PAK1IP1: variants seen among roughly 807,000 people sequenced by gnomAD.
The protein encoded by PAK1IP1 is PAK1 interacting protein 1.
In PAK1IP1, 24 loss-of-function variants were observed where a neutral mutation model predicts 42.0. That is an observed-to-expected ratio of 0.57 (90% CI 0.41 to 0.80). The LOEUF (loss-of-function observed/expected upper bound fraction) is 0.80. Ranked by LOEUF, PAK1IP1 falls within the 30% of genes least tolerant of loss-of-function variation. The probability of loss-of-function intolerance (pLI) is 0.00; values close to 1 mark genes in which losing one functional copy is unlikely to be tolerated. For synonymous variants in PAK1IP1, 154 were observed against 156.7 expected, an observed-to-expected ratio of 0.98 and a Z score of 0.13; for missense variants, 411 against 467.9, an observed-to-expected ratio of 0.88 and a Z score of 1.12.
In PAK1IP1 at chr6:10,695,051, G is replaced by A. The variant is rs772493979; in HGVS notation, c.66G>A (p.Glu22=). ...GGTTCGCTGTACACCCGGAGCCCGAGGCTTGCGGCGACCACGAGGTGAGAT... is the reference window on the plus strand; with the variant it reads ...GGTTCGCTGTACACCCGGAGCCCGAAGCTTGCGGCGACCACGAGGTGAGAT... ...LFGFAVHPEP[E]ACGDHEQWTL... Residue 22 remains glutamate (E), a synonymous_variant, in exon 1 of 10, where the codon GAG becomes GAA. Transcript: ENST00000379568. 2 of 1,600,396 alleles carry A rather than the reference G, an allele frequency of 1.2e-6. No homozygotes were observed. Among genetic ancestry groups the A allele is most frequent in the East Asian group, 2.2e-5 (1 of 44,856 alleles).
In PAK1IP1 at chr6:10,694,979, C is replaced by A; in HGVS notation, c.-7C>A. On this transcript the variant is annotated 5_prime_UTR_variant, in exon 1 of 10. The change creates a new upstream start codon in the 5' untranslated region. Transcript: ENST00000379568. ...CGGGCTGGCGGAAGAGGCACGTGCG[C>A]TGCTGAATGGAGCTGGTCGCTGGTT... The A allele has an allele frequency of 6.3e-7, 1 of 1,593,448 alleles. No individual in the cohort carries two copies. The highest frequency in any genetic ancestry group is 8.5e-7 in the Non-Finnish European group (1 of 1,176,040).
intron 7 of PAK1IP1, among the ~76,000 whole-genome samples, chr6:10,706,198 G>A (rs1274051607): frequency 2.0e-5 from 3 of 152,036 alleles, no homozygotes; most frequent in Non-Finnish European, 2.9e-5. Context: ...GAGGGAAGAA[G>A]ATGTGAGACC....
intron 1 of PAK1IP1, 117 bp from the exon 2 acceptor site, chr6:10,697,207 T>G: frequency 1.2e-6 from 1 of 801,882 alleles, no homozygotes. Flanking sequence ...AATCGTGGAA[T>G]GATTTATCTT....
intron 1 of PAK1IP1, among the ~76,000 whole-genome samples, chr6:10,697,013 CT>C (rs1769880797): frequency 6.6e-6 from 1 of 152,198 alleles, no homozygotes; most frequent in South Asian, 2.1e-4. Context: ...TGTGTAGGAT[CT>C]AAAAGTCTTC....
intron 8 of PAK1IP1, 40 bp downstream of exon 8, chr6:10,707,554 G>C (rs755029932): frequency 8.0e-7 from 1 of 1,242,314 alleles, no homozygotes; most frequent in East Asian, 2.3e-5. Context: ...TTTAATACAA[G>C]TCTTGCTCAT....
At chr6:10,700,150 C>T (rs1372818321) in intron 2 of PAK1IP1, among the ~76,000 whole-genome samples, 1 of 152,122 alleles carries the variant, frequency 6.6e-6, no homozygotes, top group East Asian at 1.9e-4. Flanking sequence ...CTTCTGCCTC[C>T]TGGGTTTAAG....
upstream of PAK1IP1, among the ~76,000 whole-genome samples, chr6:10,694,034 C>G (rs1287631153): frequency 6.6e-6 from 1 of 152,072 alleles, no homozygotes; most frequent in African/African-American, 2.4e-5. Context: ...TCGAGGCAAG[C>G]GGATCACCTG....
At chr6:10,691,718 G>A (rs1769326492), upstream of PAK1IP1, among the ~76,000 whole-genome samples, 1 of 152,024 alleles carries the variant, frequency 6.6e-6, no homozygotes, top group Non-Finnish European at 1.5e-5. Flanking sequence ...ATAATTTCAT[G>A]GGATTCAAAA....
chr6:10,709,602 TTAA>T lies in PAK1IP1; in HGVS notation c.*151_*153del. 2 of 361,072 alleles carry T rather than the reference TTAA, an allele frequency of 5.5e-6. No homozygotes were observed. Among genetic ancestry groups the T allele is most frequent in the Non-Finnish European group, 9.2e-6 (2 of 218,422 alleles). 22.4% of individuals were successfully genotyped at this position (361,072 alleles called of 1,614,324 possible). ...AAAAACCACTTTTAGATGGTTTTTT[TTAA>T]AAAAAAAAAAAAAACTGGTAAAATT... On this transcript the variant is annotated 3_prime_UTR_variant, in exon 10 of 10. Transcript: ENST00000379568.
intron 7 of PAK1IP1, 31 bp downstream of exon 7, chr6:10,704,875 T>A: frequency 7.7e-7 from 1 of 1,303,882 alleles, no homozygotes; most frequent in Non-Finnish European, 1.1e-6. Flanking sequence ...TGTATATGTC[T>A]AGTCTTAATA....
At chr6:10,691,311 G>A (rs1165491788), upstream of PAK1IP1, among the ~76,000 whole-genome samples, 1 of 152,142 alleles carries the variant, frequency 6.6e-6, no homozygotes, top group African/African-American at 2.4e-5. Context: ...CAACAACCAA[G>A]CTCCCCAAGT....
chr6:10,703,715 T>G (rs1770111857), intron 5 of PAK1IP1, among the ~76,000 whole-genome samples: 1 of 152,214 alleles, frequency 6.6e-6, no homozygotes, highest in African/African-American at 2.4e-5. Flanking sequence ...GTTGCATGGG[T>G]TTTATCCTCG....
upstream of PAK1IP1, among the ~76,000 whole-genome samples, chr6:10,694,107 A>G (rs1025928581): frequency 3.3e-5 from 5 of 151,976 alleles, no homozygotes; most frequent in African/African-American, 1.2e-4. Flanking sequence ...TAAAAAATAC[A>G]AAATTAGCCA....
chr6:10,697,769 T>C (rs1340238325), intron 2 of PAK1IP1, among the ~76,000 whole-genome samples: 1 of 151,394 alleles, frequency 6.6e-6, no homozygotes, highest in Non-Finnish European at 1.5e-5. Context: ...CACACACCTG[T>C]AGTCACAGCT....
intron 5 of PAK1IP1, 86 bp downstream of exon 5, chr6:10,703,543 G>A: frequency 1.1e-6 from 1 of 899,746 alleles, no homozygotes; most frequent in Admixed American, 2.3e-5. Context: ...TTTGAGCACT[G>A]ATGTGGTGCC....
In PAK1IP1 at chr6:10,703,475, A is replaced by T. The variant is rs749022593; in HGVS notation, c.496+18A>T. 1 of 1,566,310 alleles carries T rather than the reference A, an allele frequency of 6.4e-7. No homozygotes were observed. The highest frequency in any genetic ancestry group is 2.2e-5 in the East Asian group (1 of 44,550). On this transcript the variant is annotated intron_variant, in intron 5 of 9. Coordinates refer to ENST00000379568, the MANE Select transcript of PAK1IP1 (RefSeq NM_017906.3). ...AAAACAAAGTGAGTATTTTTGTTTG[A>T]AATGCAGGTTGAGCATTCCTAATCT...
At chr6:10,703,590 TCA>T in intron 5 of PAK1IP1, 133 bp downstream of exon 5, 3 of 611,126 alleles carry the variant, frequency 4.9e-6, no homozygotes, top group Non-Finnish European at 8.8e-6. Flanking sequence ...TCATGATGGG[TCA>T]CAGTCAGAAC....
At chr6:10,694,607 GC>G, upstream of PAK1IP1, 4 of 197,400 alleles carry the variant, frequency 2.0e-5, no homozygotes, top group South Asian at 1.5e-4. Context: ...TAAGCAACCG[GC>G]CGGAAGTCGG....
At chr6:10,699,094 G>C (rs1447902761) in intron 2 of PAK1IP1, among the ~76,000 whole-genome samples, 1 of 151,686 alleles carries the variant, frequency 6.6e-6, no homozygotes, top group East Asian at 1.9e-4. Flanking sequence ...CAGCTACTTA[G>C]GAGGCTGAGG....
Sources: allele counts gnomAD v4.1 joint callset (sites outside exome capture counted in the v4.1 genomes callset), GRCh38; gene constraint gnomAD v4.1.1; transcripts MANE v1.5; gene names NCBI Gene and HGNC (gene_info 2026-07-23, HGNC 2026-07-21).